The following OR2T12 variants were observed in gnomAD, a reference collection of about 807,000 sequenced individuals.
The protein encoded by OR2T12 is olfactory receptor family 2 subfamily T member 12.
For synonymous variants in OR2T12, 127 were observed against 160.5 expected (o/e 0.79, Z 1.58); for missense variants, 335 against 404.3 (o/e 0.83, Z 1.47).
At chr1:248,301,861 C>T (rs1041992374) in intron 1 of OR2T12, among the ~76,000 whole-genome samples, 5 of 151,864 alleles carry the variant, frequency 3.3e-5, no homozygotes, top group Admixed American at 6.6e-5. Flanking sequence ...TGTGCACATG[C>T]GCAGAGCAAT....
At chr1:248,300,529 G>A (rs1431178374) in intron 2 of OR2T12, among the ~76,000 whole-genome samples, 2 of 152,060 alleles carry the variant, frequency 1.3e-5, no homozygotes, top group East Asian at 3.8e-4. Flanking sequence ...CTCAAGAAGA[G>A]GTGGGCTTTT....
In OR2T12 at chr1:248,294,684, G is replaced by C; in HGVS notation, c.895C>G (p.Leu299Val). 6 of 1,614,076 alleles carry C rather than the reference G, an allele frequency of 3.7e-6. No individual in the cohort carries two copies. The highest frequency in any genetic ancestry group is 5.1e-6 in the Non-Finnish European group (6 of 1,180,030). Residue 299 changes from leucine (L) to valine (V), a missense_variant, in exon 3 of 3, where the codon CTG (leucine) becomes GTG (valine). By Grantham distance (32) the Leu-to-Val change is conservative. Transcript: ENST00000641276. ...ACACACGTCCCCAGCCACCGTTTCA[G>C]GGCTTCCTTGACCTCACTGTTCCTC... ...SVRNSEVKEA[L>V]KRWLGTCVNL...
chr1:248,298,341 G>T (rs1235978296), intron 2 of OR2T12, among the ~76,000 whole-genome samples: 2 of 152,082 alleles, frequency 1.3e-5, no homozygotes, highest in African/African-American at 2.4e-5. Context: ...GCCCGGCTTT[G>T]GTATCAGGAT....
chr1:248,303,344 A>G lies in OR2T12; in HGVS notation c.-190+2T>C, dbSNP rs2103040611. 6.6e-6 allele frequency: 1 copy of G among 152,222 alleles called. No individual in the cohort carries two copies. The highest frequency in any genetic ancestry group is 1.9e-4 in the East Asian group (1 of 5,182). The allele number at this position is 152,222 out of a possible 1,614,324, so 9.4% of individuals were successfully genotyped here. A position where few individuals can be genotyped will look rare whatever the true frequency, so the allele number is the denominator to read the frequency against. On this transcript the variant is annotated splice_donor_variant, in intron 1 of 2. Transcript: ENST00000641276. LOFTEE classifies it low-confidence loss of function (5UTR_SPLICE). ...AGTCTTGCTTGTGCTTGGTTAACTTACCTCTTAGTACTGATCTGAATAGTG... is the reference window on the plus strand; with the variant it reads ...AGTCTTGCTTGTGCTTGGTTAACTTGCCTCTTAGTACTGATCTGAATAGTG...
chr1:248,296,584 T>C (rs955152553), intron 2 of OR2T12, among the ~76,000 whole-genome samples: 5 of 152,074 alleles, frequency 3.3e-5, no homozygotes, highest in African/African-American at 1.2e-4. Context: ...GTGGTTTTGA[T>C]TTGCATTTCT....
chr1:248,294,808 A>G lies in OR2T12; in HGVS notation c.771T>C (p.Tyr257=), dbSNP rs1659690481. The G allele has an allele frequency of 2.5e-6, 4 of 1,613,680 alleles. No homozygotes were observed. The highest frequency in any genetic ancestry group is 2.2e-5 in the South Asian group (2 of 91,060). The change falls in exon 3 of 3, where the codon TAT becomes TAC. Residue 257 remains tyrosine (Y), a synonymous_variant. Transcript: ENST00000641276. ...GLFYGAGIFT[Y]MRPKSHRSTN... ...TGGACCTGTGGGATTTGGGTCTCAT[A>G]TAGGTAAAAATGCCAGCTCCATAAA...
chr1:248,295,554 C>G lies in OR2T12; in HGVS notation c.25G>C (p.Asp9His). Residue 9 changes from aspartate (D) to histidine (H), a missense_variant, in exon 3 of 3, where the codon GAT becomes CAT. Transcript: ENST00000641276. MEMRNTTPDFILLGLFNHT... is the reference protein window; with the variant it reads MEMRNTTPHFILLGLFNHT... ...TTAAAGAGTCCTAGGAGAATAAAAT[C>G]TGGGGTAGTATTTCTCATCTCCATA... is the stretch of plus-strand genomic sequence containing the variant. 3.8e-6 allele frequency: 6 copies of G among 1,591,564 alleles called. No individual in the cohort carries two copies. Among genetic ancestry groups the G allele is most frequent in the Non-Finnish European group, 5.1e-6 (6 of 1,168,852 alleles).
chr1:248,298,299 G>A (rs1294230158), intron 2 of OR2T12, among the ~76,000 whole-genome samples: 1 of 152,092 alleles, frequency 6.6e-6, no homozygotes, highest in Non-Finnish European at 1.5e-5. Flanking sequence ...CAAGGGTATT[G>A]GTCTAAAATT....
intron 2 of OR2T12, among the ~76,000 whole-genome samples, chr1:248,300,541 AGGAAAATTG>A (rs1659799788): frequency 6.6e-6 from 1 of 152,128 alleles, no homozygotes; most frequent in South Asian, 2.1e-4. Context: ...TGGGCTTTTA[AGGAAAATTG>A]GGAAAATACA....
chr1:248,302,732 A>C (rs1659826949), intron 1 of OR2T12, among the ~76,000 whole-genome samples: 1 of 152,118 alleles, frequency 6.6e-6, no homozygotes, highest in African/African-American at 2.4e-5. Context: ...CATATGTATA[A>C]GGAGATGTCC....
intron 2 of OR2T12, among the ~76,000 whole-genome samples, chr1:248,298,347 A>G (rs1255217870): frequency 6.6e-6 from 1 of 152,168 alleles, no homozygotes; most frequent in Non-Finnish European, 1.5e-5. Flanking sequence ...CTTTGGTATC[A>G]GGATGATGCT....
chr1:248,301,589 C>T (rs1172191040), intron 1 of OR2T12, 36 bp from the exon 2 acceptor site: 2 of 152,038 alleles, frequency 1.3e-5, no homozygotes, highest in Non-Finnish European at 2.9e-5. Context: ...AGTTTCAATA[C>T]TGTACTAAAG....
At position 248,294,839 on chromosome 1, in the gene OR2T12, C is replaced by G; in HGVS notation, c.740G>C (p.Gly247Ala). Residue 247 changes from glycine (G) to alanine (A), a missense_variant, in exon 3 of 3, where the codon GGA becomes GCA. Coordinates refer to ENST00000641276, the MANE Select transcript of OR2T12 (RefSeq NM_001004692.2). ...AAAAATGCCAGCTCCATAAAAGAGT[C>G]CCACCACAGCCACATGTGAAGAGCA... ...ATCSSHVAVV[G>A]LFYGAGIFTY... is the part of the protein sequence containing the mutation. The G allele has an allele frequency of 6.2e-7, 1 of 1,612,988 alleles. No homozygotes were observed. The highest frequency in any genetic ancestry group is 1.1e-5 in the South Asian group (1 of 91,012).
intron 1 of OR2T12, 28 bp from the exon 2 acceptor site, chr1:248,301,581 T>C (rs1659811853): frequency 6.6e-6 from 1 of 152,060 alleles, no homozygotes; most frequent in Admixed American, 6.6e-5. Flanking sequence ...ACATTTTGAG[T>C]TTCAATACTG....
At position 248,301,139 on chromosome 1, in the gene OR2T12, T is replaced by G. The variant is rs74153118; in HGVS notation, c.-9+234A>C. On this transcript the variant is annotated intron_variant, in intron 2 of 2. Transcript: ENST00000641276. ...TTCATACCCACATGCTAAAATTGAC[T>G]TCATTGATTTCATCCTGTCACAGAG... Among the ~76,000 whole-genome samples, 1,348 of 152,206 alleles carry G rather than the reference T, an allele frequency of 8.9e-3. 19 individuals are homozygous for G. The highest frequency in any genetic ancestry group is 0.031 in the African/African-American group (1,296 of 41,540).
At chr1:248,300,701 G>A (rs1312450973) in intron 2 of OR2T12, among the ~76,000 whole-genome samples, 3 of 152,018 alleles carry the variant, frequency 2.0e-5, no homozygotes, top group African/African-American at 7.2e-5. Context: ...GTCAACTGTT[G>A]TAATACACAA....
At chr1:248,298,016 A>T (rs1659759728) in intron 2 of OR2T12, among the ~76,000 whole-genome samples, 1 of 151,662 alleles carries the variant, frequency 6.6e-6, no homozygotes, top group Admixed American at 6.6e-5. Flanking sequence ...TTATTTTGAG[A>T]TATGTCCCAT....
chr1:248,298,063 G>C (rs370193079), intron 2 of OR2T12, among the ~76,000 whole-genome samples: 1 of 152,098 alleles, frequency 6.6e-6, no homozygotes, highest in Admixed American at 6.5e-5. Flanking sequence ...AGCGTGAAGC[G>C]TTGTTGAAAT....
rs921608187 is a variant in OR2T12, at chr1:248,294,380, A to G, written c.*236T>C. On this transcript the variant is annotated 3_prime_UTR_variant, in exon 3 of 3. Transcript: ENST00000641276. ...TGCAAAAGAAAAAAAGAAAACTTAT[A>G]TCATGGGGTTGTTGTAGGATACAAA... 1.8e-5 allele frequency: 8 copies of G among 436,850 alleles called. No individual in the cohort carries two copies. The South Asian group carries it at 3.8e-4, about 21-fold the overall frequency. 27.1% of individuals were successfully genotyped at this position (436,850 alleles called of 1,614,324 possible).
Sources: allele counts gnomAD v4.1 joint callset (sites outside exome capture counted in the v4.1 genomes callset), GRCh38; gene constraint gnomAD v4.1.1; transcripts MANE v1.5; gene names NCBI Gene and HGNC (gene_info 2026-07-23, HGNC 2026-07-21).